The following KIAA1755 variants were observed in gnomAD, a reference collection of about 807,000 sequenced individuals.
KIAA1755 encodes the protein KIAA1755.
Under a neutral mutation model 91.7 loss-of-function variants are expected in KIAA1755, and 68 were observed. The ratio of observed to expected loss-of-function variants is 0.74; its 90% CI spans 0.61 to 0.91. The LOEUF is 0.91. KIAA1755 is among the 40% of genes least tolerant of loss of function. The pLI is 0.00. For synonymous variants in KIAA1755, 610 were observed against 604.6 expected (o/e 1.01, Z -0.13); for missense variants, 1,535 against 1,494.4 (o/e 1.03, Z -0.45).
intron 7 of KIAA1755, 37 bp from the exon 8 acceptor site, chr20:38,225,818 A>C: frequency 7.8e-7 from 1 of 1,284,464 alleles, no homozygotes; most frequent in East Asian, 2.5e-5. Flanking sequence ...AGGGACTCAA[A>C]GTGAGGACAG....
At chr20:38,225,204 G>A (rs897116656) in intron 8 of KIAA1755, among the ~76,000 whole-genome samples, 1 of 152,112 alleles carries the variant, frequency 6.6e-6, no homozygotes, top group South Asian at 2.1e-4. Context: ...GTTTTACCAT[G>A]TTGGCCAGGC....
chr20:38,249,801 C>G (rs564548854), intron 1 of KIAA1755, among the ~76,000 whole-genome samples: 8 of 152,246 alleles, frequency 5.3e-5, no homozygotes, highest in African/African-American at 7.2e-5. Context: ...TAATCCCCCC[C>G]CAACCCCCAC....
rs780023232 is a variant in KIAA1755 at position 38,223,625 on chromosome 20, A to G, written c.2181T>C (p.Pro727=). Residue 727 remains proline, a synonymous_variant, in exon 9 of 14, where the codon CCT becomes CCC. Coordinates refer to ENST00000279024, the MANE Select transcript of KIAA1755 (RefSeq NM_001029864.2). ...EWVHFFQKLD[P]FLADLHQASS... is the part of the protein sequence containing the mutation. The stretch of plus-strand genomic sequence containing the variant: ...AGGCCTGGTGGAGGTCAGCAAGGAA[A>G]GGGTCCAGCTTCTGCAGGACAGAGG... 17 of 1,605,696 alleles carry G rather than the reference A, an allele frequency of 1.1e-5. No individual in the cohort carries two copies. In the South Asian group the frequency reaches 1.9e-4, roughly 18 times the overall value.
At chr20:38,218,472 A>C (rs1198562691) in intron 11 of KIAA1755, 106 bp from the exon 12 acceptor site, 2 of 1,465,320 alleles carry the variant, frequency 1.4e-6, no homozygotes, top group Non-Finnish European at 1.8e-6. Flanking sequence ...TCACTCATTC[A>C]GTGGCTAGGC....
At chr20:38,237,970 C>T (rs1226048381) in intron 4 of KIAA1755, among the ~76,000 whole-genome samples, 1 of 152,024 alleles carries the variant, frequency 6.6e-6, no homozygotes, top group African/African-American at 2.4e-5. Context: ...CAGGCATGTG[C>T]GAGCTAACAG....
intron 7 of KIAA1755, 42 bp from the exon 8 acceptor site, chr20:38,225,823 G>T: frequency 7.9e-7 from 1 of 1,263,616 alleles, no homozygotes; most frequent in Non-Finnish European, 1.1e-6. Flanking sequence ...CTCAAAGTGA[G>T]GACAGTCATT....
At chr20:38,233,429 G>A (rs2075903979) in intron 4 of KIAA1755, 2 of 152,256 alleles carry the variant, frequency 1.3e-5, no homozygotes, top group South Asian at 4.2e-4. Context: ...GGAGGTGCGG[G>A]TACAGGTCCC....
In KIAA1755 at chr20:38,217,241, C is replaced by T. The variant is rs769323569; in HGVS notation, c.2901+12G>A. The T allele has an allele frequency of 6.9e-6, 11 of 1,583,462 alleles. No individual in the cohort carries two copies. Among genetic ancestry groups the T allele is most frequent in the East Asian group, 4.5e-5 (2 of 43,996 alleles). Reference sequence around the variant, plus strand: ...TCGGGGGGTATCTGTGCAGGTGGGCCGCGGGGCTCACCCTCTTGCAGAAGC... The same window carrying T: ...TCGGGGGGTATCTGTGCAGGTGGGCTGCGGGGCTCACCCTCTTGCAGAAGC... On this transcript the variant is annotated intron_variant, in intron 13 of 13. Transcript: ENST00000279024.
intron 1 of KIAA1755, among the ~76,000 whole-genome samples, chr20:38,252,262 C>G (rs2076263290): frequency 6.6e-6 from 1 of 152,200 alleles, no homozygotes; most frequent in Non-Finnish European, 1.5e-5. Flanking sequence ...CTTATTTTCA[C>G]TCATCCTGTC....
intron 4 of KIAA1755, chr20:38,233,277 A>G (rs950793415): frequency 2.0e-5 from 3 of 152,258 alleles, no homozygotes; most frequent in African/African-American, 7.2e-5. Context: ...GTTAAGATTT[A>G]TTAAATCTGG....
intron 1 of KIAA1755, among the ~76,000 whole-genome samples, chr20:38,259,834 ACACAC>A (rs1188414968): frequency 1.3e-5 from 2 of 151,038 alleles, no homozygotes; most frequent in Non-Finnish European, 3.0e-5. Context: ...ACACACACAC[ACACAC>A]ACACACACAC....
At chr20:38,253,299 TTATA>T (rs2076284431) in intron 1 of KIAA1755, among the ~76,000 whole-genome samples, 11 of 152,348 alleles carry the variant, frequency 7.2e-5, no homozygotes, top group Admixed American at 5.9e-4. Flanking sequence ...CTCACAGCGG[TTATA>T]ACCTGGGCAG....
chr20:38,218,145 T>G, intron 12 of KIAA1755, 99 bp downstream of exon 12: 1 of 1,514,824 alleles, frequency 6.6e-7, no homozygotes, highest in South Asian at 1.2e-5. Flanking sequence ...GAACTTTTCT[T>G]GCTCTTTCCC....
intron 1 of KIAA1755, among the ~76,000 whole-genome samples, chr20:38,258,242 T>C (rs1312285477): frequency 6.6e-6 from 1 of 152,226 alleles, no homozygotes; most frequent in East Asian, 1.9e-4. Context: ...GATTTTTTCA[T>C]GGTTGTGATA....
intron 1 of KIAA1755, among the ~76,000 whole-genome samples, chr20:38,257,901 T>C (rs1352866691): frequency 3.4e-5 from 4 of 117,632 alleles, no homozygotes; most frequent in Non-Finnish European, 5.2e-5. Context: ...TTATAGTTAC[T>C]TTTTTTTTTT....
At chr20:38,259,542 A>G (rs973166386) in intron 1 of KIAA1755, among the ~76,000 whole-genome samples, 2 of 150,346 alleles carry the variant, frequency 1.3e-5, no homozygotes, top group African/African-American at 4.9e-5. Context: ...AGAGAGAGAG[A>G]GAGAGAGTAT....
intron 4 of KIAA1755, 36 bp from the exon 5 acceptor site, chr20:38,231,361 T>A (rs746881518): frequency 6.3e-7 from 1 of 1,575,256 alleles, no homozygotes. Context: ...CAGTGAGAAC[T>A]TGTGGGGGGC....
chr20:38,230,888 C>CAAAAAAAAAAACAAAAAAAA (rs2075849109), intron 5 of KIAA1755, among the ~76,000 whole-genome samples: 1 of 107,552 alleles, frequency 9.3e-6, no homozygotes. Flanking sequence ...AACTCCATTT[C>CAAAAAAAAAAACAAAAAAAA]AAAAAAAAAA....
chr20:38,216,724 A>G (rs1317323234), intron 13 of KIAA1755: 1 of 429,096 alleles, frequency 2.3e-6, no homozygotes, highest in East Asian at 7.2e-5. Context: ...AATGGGAACA[A>G]CATTGGTTCC....
Sources: gnomAD v4.1 joint callset for allele counts (sites outside exome capture counted in the v4.1 genomes callset) on GRCh38, gnomAD v4.1.1 for gene constraint, MANE v1.5 for transcripts, NCBI Gene and HGNC (gene_info 2026-07-23, HGNC 2026-07-21) for gene names.